Variants in RILPL1 observed in about 807,000 individuals in gnomAD.
The protein encoded by RILPL1 is RILP-like protein 1.
Under a neutral mutation model 50.3 loss-of-function variants are expected in RILPL1, and 33 were observed. That is an observed-to-expected ratio of 0.66 (90% CI 0.50 to 0.88). RILPL1 has a LOEUF of 0.88. Ranked by LOEUF, RILPL1 falls within the 40% of genes least tolerant of loss-of-function variation. The probability of loss-of-function intolerance (pLI) is 0.00; values close to 1 mark genes in which losing one functional copy is unlikely to be tolerated. For synonymous variants in RILPL1, 205 were observed against 228.6 expected (o/e 0.90, Z 0.93); for missense variants, 418 against 542.5 (o/e 0.77, Z 2.28).
chr12:123,512,145 CTGTGTGTGTGGTGTGTGAGGTCTG>C (rs1566136846), intron 2 of RILPL1, among the ~76,000 whole-genome samples: 19 of 31,694 alleles, frequency 6.0e-4, no homozygotes, highest in Admixed American at 2.5e-3. Context: ...TGTGTGAGGT[CTGTGTGTGTGGTGTGTGAGGTCTG>C]TGTGTGTGTG....
At chr12:123,512,127 G>A (rs543109990) in intron 2 of RILPL1, among the ~76,000 whole-genome samples, 1 of 143,100 alleles carries the variant, frequency 7.0e-6, no homozygotes, top group African/African-American at 2.6e-5. Flanking sequence ...GTTTGTGTGT[G>A]TGTGGTGTGT....
chr12:123,477,337 CTTTTTTTT>C (rs371346379), intron 6 of RILPL1, among the ~76,000 whole-genome samples: 3 of 105,378 alleles, frequency 2.8e-5, no homozygotes, highest in African/African-American at 9.7e-5. Context: ...TTCTTTCTTT[CTTTTTTTT>C]TTTTTTTTTT....
chr12:123,478,537 G>A (rs1881748337), intron 6 of RILPL1, among the ~76,000 whole-genome samples: 1 of 142,444 alleles, frequency 7.0e-6, no homozygotes, highest in East Asian at 2.3e-4. Flanking sequence ...TTCAGGCAGT[G>A]TAATGGGCGG....
At chr12:123,475,973 A>G (rs929538516) in intron 6 of RILPL1, 1 of 454,498 alleles carries the variant, frequency 2.2e-6, no homozygotes, top group Admixed American at 3.5e-5. Context: ...GCGCAATCTC[A>G]GCTTACTGCA....
intron 1 of RILPL1, among the ~76,000 whole-genome samples, chr12:123,530,445 G>A (rs1169594283): frequency 2.6e-5 from 4 of 152,194 alleles, no homozygotes. Context: ...GGGATTACAG[G>A]TGTGAGCCAC....
intron 2 of RILPL1, chr12:123,518,370 G>A (rs771669232): frequency 7.1e-6 from 3 of 422,476 alleles, no homozygotes; most frequent in South Asian, 5.0e-5. Flanking sequence ...AGCCAGGCGT[G>A]GTGGTGCACA....
intron 2 of RILPL1, among the ~76,000 whole-genome samples, chr12:123,509,953 C>A (rs181557021): frequency 3.7e-4 from 57 of 152,328 alleles, no homozygotes; most frequent in African/African-American, 1.3e-3. Flanking sequence ...GACAGCCAGT[C>A]CCTGGAGCCG....
At chr12:123,486,276 G>T (rs1882327245) in intron 4 of RILPL1, among the ~76,000 whole-genome samples, 1 of 152,066 alleles carries the variant, frequency 6.6e-6, no homozygotes, top group African/African-American at 2.4e-5. Context: ...CATTTTCCCT[G>T]TTGTTATGGG....
chr12:123,498,005 CA>C lies in RILPL1; in HGVS notation c.801+538del, dbSNP rs1883137473. 6.6e-6 allele frequency among the ~76,000 whole-genome samples: 1 copy of C among 152,164 alleles called. No individual in the cohort carries two copies. Among genetic ancestry groups the C allele is most frequent in the African/African-American group, 2.4e-5 (1 of 41,424 alleles). ...TACTAAACTGTAAGCTCCATGTGGACAGGGATCATGTCTGTATTTTGCTCGC... is the reference window on the plus strand; with the variant it reads ...TACTAAACTGTAAGCTCCATGTGGACGGGATCATGTCTGTATTTTGCTCGC... On this transcript the variant is annotated intron_variant, in intron 4 of 6. Transcript: ENST00000376874. This position sits in a 1 kb window ranked among gnomAD's most constrained non-coding sequence, Gnocchi z 4.3.
chr12:123,527,130 A>G (rs987559439), intron 1 of RILPL1, among the ~76,000 whole-genome samples: 1 of 152,156 alleles, frequency 6.6e-6, no homozygotes, highest in Non-Finnish European at 1.5e-5. Context: ...TAGGAGTTTG[A>G]GAACAGCCTG....
chr12:123,500,610 G>C (rs901275632), intron 2 of RILPL1, among the ~76,000 whole-genome samples: 3 of 152,060 alleles, frequency 2.0e-5, no homozygotes, highest in African/African-American at 7.2e-5. Flanking sequence ...TCTGACGAAA[G>C]ATGACGCTGC....
At chr12:123,490,703 G>T (rs1418510448) in intron 4 of RILPL1, among the ~76,000 whole-genome samples, 3 of 151,590 alleles carry the variant, frequency 2.0e-5, no homozygotes, top group Admixed American at 6.6e-5. Flanking sequence ...CTCCCAAAGT[G>T]CTGGGATTAC....
chr12:123,483,885 A>G (rs1882152562), intron 6 of RILPL1, among the ~76,000 whole-genome samples: 1 of 151,950 alleles, frequency 6.6e-6, no homozygotes. Context: ...AGGCCCAGAG[A>G]TGCACCCCAC....
intron 2 of RILPL1, among the ~76,000 whole-genome samples, chr12:123,509,366 C>T (rs985814338): frequency 1.6e-4 from 24 of 152,008 alleles, no homozygotes; most frequent in Admixed American, 1.4e-3. Flanking sequence ...GAGTTCGAGA[C>T]CAGCCTGACC....
rs201273119 is a variant in RILPL1 at position 123,498,706 on chromosome 12, C to G, written c.639G>C (p.Thr213=). The change falls in exon 4 of 7, where the codon ACG becomes ACC. Residue 213 remains threonine (T), a synonymous_variant. Transcript: ENST00000376874. The surrounding 1 kb of genome is among the most constrained non-coding windows in gnomAD (Gnocchi z 4.3). ...KINHDLRHRV[T]VVEAQGKALI... ...GGGCTTTCCCCTGGGCCTCCACCAC[C>G]GTGACCCGGTGCCGAAGGTCATGGT... 2 of 1,613,714 alleles carry G rather than the reference C, an allele frequency of 1.2e-6. No homozygotes were observed. The highest frequency in any genetic ancestry group is 1.7e-5 in the Admixed American group (1 of 60,020).
In RILPL1 at chr12:123,485,106, C is replaced by A; in HGVS notation, c.974+527G>T. On this transcript the variant is annotated intron_variant, in intron 5 of 6. Coordinates refer to ENST00000376874, the MANE Select transcript of RILPL1 (RefSeq NM_178314.5). This position sits in a 1 kb window ranked among gnomAD's most constrained non-coding sequence, Gnocchi z 4.0. The stretch of plus-strand genomic sequence containing the variant: ...TCCTTCCTTCCAGCTTTCTATTCAA[C>A]AGATATTTGTTGTGCACCTACTGTG... The A allele has an allele frequency of 2.2e-6, 1 of 454,960 alleles. No individual in the cohort carries two copies. The highest frequency in any genetic ancestry group is 4.4e-6 in the Non-Finnish European group (1 of 225,872). 28.2% of individuals were successfully genotyped at this position (454,960 alleles called of 1,614,324 possible).
chr12:123,533,368 C>A lies in RILPL1; in HGVS notation c.115G>T (p.Glu39Ter). Residue 39 changes from glutamate to a stop codon, truncating the protein, a stop_gained, in exon 1 of 7, where the codon GAG becomes TAG. Coordinates refer to ENST00000376874, the MANE Select transcript of RILPL1 (RefSeq NM_178314.5). LOFTEE classifies it high-confidence loss of function. This position sits in a 1 kb window ranked among gnomAD's most constrained non-coding sequence, Gnocchi z 6.2. ...CAGCCGTGCTGGTCAATGACCCGCT[C>A]GAACTCGTGGCCCACAAGCGACGCG... ...DIASLVGHEF[E>*]RVIDQHGCEA... 6.4e-7 allele frequency: 1 copy of A among 1,570,754 alleles called. No individual in the cohort carries two copies. The highest frequency in any genetic ancestry group is 1.2e-5 in the South Asian group (1 of 85,782).
intron 2 of RILPL1, among the ~76,000 whole-genome samples, chr12:123,515,692 C>T (rs996551606): frequency 1.2e-4 from 18 of 151,456 alleles, no homozygotes; most frequent in Non-Finnish European, 2.4e-4. Context: ...CCCCGTGATC[C>T]GCCCGCCTCA....
intron 2 of RILPL1, among the ~76,000 whole-genome samples, chr12:123,504,953 CCAGA>C (rs906450562): frequency 1.3e-5 from 2 of 152,178 alleles, no homozygotes; most frequent in Non-Finnish European, 2.9e-5. Context: ...CCACTTTCTC[CCAGA>C]CAGAGCCACC....
Sources: gnomAD v4.1 joint callset for allele counts (sites outside exome capture counted in the v4.1 genomes callset) on GRCh38, gnomAD v4.1.1 for gene constraint, Gnocchi (gnomAD v3.1) non-coding constraint, MANE v1.5 for transcripts, NCBI Gene and HGNC (gene_info 2026-07-23, HGNC 2026-07-21) for gene names.